GALNTL6: variants seen among roughly 807,000 people sequenced by gnomAD.
GALNTL6 encodes polypeptide N-acetylgalactosaminyltransferase like 6, also known as polypeptide N-acetylgalactosaminyltransferase-like 6.
Under a neutral mutation model 73.7 loss-of-function variants are expected in GALNTL6, and 46 were observed. That is an observed-to-expected ratio of 0.62 (90% confidence interval 0.49 to 0.80). The LOEUF is 0.80. Ranked by LOEUF, GALNTL6 falls within the 30% of genes least tolerant of loss-of-function variation. The probability of loss-of-function intolerance (pLI) is 0.00; values close to 1 mark genes in which losing one functional copy is unlikely to be tolerated. For synonymous variants in GALNTL6, 259 were observed against 263.7 expected, an observed-to-expected ratio of 0.98 and a Z score of 0.17; for missense variants, 604 against 755.0, an observed-to-expected ratio of 0.80 and a Z score of 2.34.
At chr4:172,786,272 C>T (rs1560951495) in intron 5 of GALNTL6, among the ~76,000 whole-genome samples, 2 of 152,142 alleles carry the variant, frequency 1.3e-5, no homozygotes, top group Non-Finnish European at 2.9e-5. Context: ...GTGAATAGTT[C>T]CCCTTTGGCT....
At chr4:172,027,542 G>T (rs539474842) in intron 2 of GALNTL6, among the ~76,000 whole-genome samples, 1 of 151,990 alleles carries the variant, frequency 6.6e-6, no homozygotes, top group African/African-American at 2.4e-5. Context: ...CTCTCTTCAG[G>T]CCTCCCTATT....
chr4:172,302,701 T>C (rs1016367055), intron 3 of GALNTL6, among the ~76,000 whole-genome samples: 1 of 152,220 alleles, frequency 6.6e-6, no homozygotes, highest in Non-Finnish European at 1.5e-5. Flanking sequence ...CTTACTTTAT[T>C]GTCAGAAAAA....
chr4:172,408,013 C>T (rs1247382259), intron 5 of GALNTL6, among the ~76,000 whole-genome samples: 1 of 151,898 alleles, frequency 6.6e-6, no homozygotes, highest in East Asian at 1.9e-4. Context: ...ATATAGAAGG[C>T]CACTTTAGGA....
chr4:172,224,859 T>G (rs1015264960), intron 2 of GALNTL6, among the ~76,000 whole-genome samples: 9 of 152,186 alleles, frequency 5.9e-5, no homozygotes, highest in Non-Finnish European at 1.2e-4. Flanking sequence ...TAGTTTCTTA[T>G]GACCCATCTG....
intron 7 of GALNTL6, among the ~76,000 whole-genome samples, chr4:172,875,078 A>C (rs1455422027): frequency 5.3e-5 from 8 of 152,146 alleles, no homozygotes; most frequent in Non-Finnish European, 8.8e-5. Flanking sequence ...GTTTCTGAGG[A>C]TATGGTCACA....
intron 2 of GALNTL6, among the ~76,000 whole-genome samples, chr4:172,154,529 G>A (rs576583932): frequency 6.6e-6 from 1 of 152,168 alleles, no homozygotes; most frequent in Non-Finnish European, 1.5e-5. Flanking sequence ...ACTGTGCCAG[G>A]CTCTTCGTTT....
chr4:172,709,948 AAGG>A (rs958132833), intron 5 of GALNTL6, among the ~76,000 whole-genome samples: 13 of 152,192 alleles, frequency 8.5e-5, no homozygotes, highest in Middle Eastern at 3.4e-3. Context: ...TTTATTATTA[AAGG>A]AGTTTTCACA....
chr4:172,514,734 T>C (rs1734542051), intron 5 of GALNTL6, among the ~76,000 whole-genome samples: 1 of 152,206 alleles, frequency 6.6e-6, no homozygotes, highest in South Asian at 2.1e-4. Flanking sequence ...CGGTCTGGAA[T>C]GGGTCCCTGA....
intron 2 of GALNTL6, among the ~76,000 whole-genome samples, chr4:172,103,577 A>T (rs1732584842): frequency 6.6e-6 from 1 of 152,230 alleles, no homozygotes; most frequent in Non-Finnish European, 1.5e-5. Context: ...CTATCTGTAG[A>T]CAACTTTACT....
At chr4:171,954,102 C>CT (rs1171367269) in intron 2 of GALNTL6, among the ~76,000 whole-genome samples, 7 of 151,968 alleles carry the variant, frequency 4.6e-5, no homozygotes, top group African/African-American at 1.7e-4. Context: ...AGCACATACG[C>CT]TAAAAAAATA....
chr4:172,359,010 A>T (rs1742270185), intron 5 of GALNTL6, among the ~76,000 whole-genome samples: 1 of 152,160 alleles, frequency 6.6e-6, no homozygotes, highest in Non-Finnish European at 1.5e-5. Context: ...CTACTATTTG[A>T]CTCAGCAATT....
chr4:172,059,695 C>T (rs1408911089), intron 2 of GALNTL6, among the ~76,000 whole-genome samples: 1 of 152,070 alleles, frequency 6.6e-6, no homozygotes, highest in African/African-American at 2.4e-5. Flanking sequence ...TTAAAAATGT[C>T]AGGAGTCAGG....
chr4:171,920,473 G>A (rs542665253), intron 2 of GALNTL6, among the ~76,000 whole-genome samples: 3 of 152,172 alleles, frequency 2.0e-5, no homozygotes, highest in African/African-American at 7.2e-5. Context: ...AATAATAAGT[G>A]TAGGAGTCCT....
Position 172,569,330 on chromosome 4 carries a change from G to C in GALNTL6, c.553+220641G>C, listed in dbSNP as rs1736678669. Among the ~76,000 whole-genome samples the C allele has an allele frequency of 2.0e-5, 3 of 152,196 alleles. No individual in the cohort carries two copies. The South Asian group carries it at 6.2e-4, about 32-fold the overall frequency. ...CAGGTCTCTTTAATCTGGTCACTAA[G>C]CCCATTCATGAGATTTCCACCCTCA... is the stretch of plus-strand genomic sequence containing the variant. On this transcript the variant is annotated intron_variant, in intron 5 of 12. Coordinates refer to ENST00000506823, the MANE Select transcript of GALNTL6 (RefSeq NM_001034845.3).
intron 2 of GALNTL6, among the ~76,000 whole-genome samples, chr4:172,223,666 T>C (rs1399797897): frequency 3.3e-5 from 5 of 152,094 alleles, no homozygotes; most frequent in African/African-American, 1.2e-4. Flanking sequence ...TCCACATTTG[T>C]TTGGTTTTAT....
At chr4:172,554,755 C>G (rs1736082464) in intron 5 of GALNTL6, among the ~76,000 whole-genome samples, 1 of 152,176 alleles carries the variant, frequency 6.6e-6, no homozygotes, top group Non-Finnish European at 1.5e-5. Context: ...TGCCTCCGTT[C>G]TCATTGCCCT....
At chr4:172,563,780 G>T (rs988130824) in intron 5 of GALNTL6, among the ~76,000 whole-genome samples, 1 of 152,114 alleles carries the variant, frequency 6.6e-6, no homozygotes, top group African/African-American at 2.4e-5. Context: ...TGACAGGTGA[G>T]GTTAATGGAA....
At chr4:172,137,633 C>T (rs959269759) in intron 2 of GALNTL6, among the ~76,000 whole-genome samples, 1 of 151,974 alleles carries the variant, frequency 6.6e-6, no homozygotes, top group African/African-American at 2.4e-5. Context: ...GAAAACAAAA[C>T]AAGAAAAAAA....
intron 5 of GALNTL6, among the ~76,000 whole-genome samples, chr4:172,602,455 T>C (rs1257130938): frequency 6.6e-6 from 1 of 152,176 alleles, no homozygotes; most frequent in Non-Finnish European, 1.5e-5. Context: ...GTTATAAATG[T>C]CTTACCTTAT....
Sources: allele counts gnomAD v4.1 joint callset (sites outside exome capture counted in the v4.1 genomes callset), GRCh38; gene constraint gnomAD v4.1.1; transcripts MANE v1.5; gene names NCBI Gene and HGNC (gene_info 2026-07-23, HGNC 2026-07-21).